The following SEMA6D variants were observed in gnomAD, a reference collection of about 807,000 sequenced individuals.
The protein encoded by SEMA6D is semaphorin-6D.
Under a neutral mutation model 106.6 loss-of-function variants are expected in SEMA6D, and 35 were observed. The ratio of observed to expected loss-of-function variants is 0.33; its 90% confidence interval spans 0.25 to 0.44. The LOEUF is 0.44. Ranked by LOEUF, SEMA6D falls within the 20% of genes least tolerant of loss-of-function variation. The pLI is 1.00. For synonymous variants in SEMA6D, 499 were observed against 487.7 expected, an observed-to-expected ratio of 1.02 and a Z score of -0.31; for missense variants, 1,185 against 1,345.9, an observed-to-expected ratio of 0.88 and a Z score of 1.87.
intron 1 of SEMA6D, among the ~76,000 whole-genome samples, chr15:47,258,483 A>C (rs1166349782): frequency 1.3e-5 from 2 of 152,344 alleles, no homozygotes; most frequent in East Asian, 3.9e-4. Flanking sequence ...GGACCCAAAT[A>C]GAACAAAAAG....
chr15:47,240,786 G>T (rs2141755467), intron 1 of SEMA6D, among the ~76,000 whole-genome samples: 1 of 152,224 alleles, frequency 6.6e-6, no homozygotes. Context: ...TCATTGATTA[G>T]TCAAGGCCAA....
At chr15:47,329,624 C>T (rs1385373227) in intron 1 of SEMA6D, among the ~76,000 whole-genome samples, 1 of 152,080 alleles carries the variant, frequency 6.6e-6, no homozygotes, top group Admixed American at 6.6e-5. Context: ...GTTTTCCTTC[C>T]CTGCCTCTGT....
At chr15:47,221,340 C>T (rs1047005876) in intron 1 of SEMA6D, among the ~76,000 whole-genome samples, 2 of 152,162 alleles carry the variant, frequency 1.3e-5, no homozygotes, top group African/African-American at 2.4e-5. Flanking sequence ...ATTTCTTCTT[C>T]GCCCACTTCA....
chr15:47,523,080 A>G (rs2044639677), intron 3 of SEMA6D, among the ~76,000 whole-genome samples: 1 of 152,182 alleles, frequency 6.6e-6, no homozygotes, highest in South Asian at 2.1e-4. Flanking sequence ...TCCGCATCCT[A>G]TACTCCTCCC....
intron 4 of SEMA6D, among the ~76,000 whole-genome samples, chr15:47,629,152 A>C (rs574621256): frequency 6.6e-5 from 10 of 152,196 alleles, no homozygotes; most frequent in African/African-American, 2.4e-4. Context: ...ATAAGTCATA[A>C]AATTGAATAA....
intron 4 of SEMA6D, among the ~76,000 whole-genome samples, chr15:47,643,988 A>T (rs1046983017): frequency 3.9e-5 from 6 of 152,180 alleles, no homozygotes; most frequent in African/African-American, 1.4e-4. Flanking sequence ...TAGCTCCCAC[A>T]TATGAGTGAG....
intron 18 of SEMA6D, 143 bp from the exon 19 acceptor site, chr15:47,770,354 C>G: frequency 3.4e-6 from 2 of 592,030 alleles, no homozygotes; most frequent in South Asian, 3.2e-5. Context: ...ACAAAATATA[C>G]AAGGAATTTT....
At chr15:47,624,398 A>G (rs910652393) in intron 4 of SEMA6D, among the ~76,000 whole-genome samples, 3 of 152,182 alleles carry the variant, frequency 2.0e-5, no homozygotes, top group African/African-American at 4.8e-5. Flanking sequence ...AGCTCTATCA[A>G]ACACTTTCTG....
intron 1 of SEMA6D, among the ~76,000 whole-genome samples, chr15:47,295,706 A>G (rs578007974): frequency 3.3e-5 from 5 of 152,372 alleles, no homozygotes; most frequent in African/African-American, 1.2e-4. Flanking sequence ...TTAAGCACAG[A>G]GTTAAAATGA....
chr15:47,243,639 G>T (rs1466741884), intron 1 of SEMA6D, among the ~76,000 whole-genome samples: 6 of 152,116 alleles, frequency 3.9e-5, no homozygotes, highest in Admixed American at 3.9e-4. Flanking sequence ...TGTTTTTACT[G>T]CTCTGTGTAC....
At chr15:47,407,873 C>T (rs770919229) in intron 1 of SEMA6D, among the ~76,000 whole-genome samples, 23 of 152,246 alleles carry the variant, frequency 1.5e-4, no homozygotes, top group Non-Finnish European at 2.4e-4. Context: ...ATCATCCTTT[C>T]GCAGGGGGAT....
At chr15:47,760,275 A>G (rs770909142) in intron 2 of SEMA6D, 29 bp from the exon 3 acceptor site, 18 of 1,502,242 alleles carry the variant, frequency 1.2e-5, no homozygotes, top group African/African-American at 1.4e-5. Context: ...ATAATCCTGA[A>G]TGATGGTTTA....
intron 2 of SEMA6D, among the ~76,000 whole-genome samples, chr15:47,467,306 C>A (rs951009267): frequency 1.3e-5 from 2 of 152,106 alleles, no homozygotes; most frequent in African/African-American, 4.8e-5. Context: ...GACCAGTTAT[C>A]ATTCCCCACC....
At chr15:47,384,813 A>ATTTT (rs1944848792) in intron 1 of SEMA6D, among the ~76,000 whole-genome samples, 2 of 86,468 alleles carry the variant, frequency 2.3e-5, no homozygotes, top group East Asian at 4.6e-4. Context: ...TGATTACTAA[A>ATTTT]GTTTTTTTTT....
At chr15:47,428,959 G>A (rs2041435570) in intron 2 of SEMA6D, among the ~76,000 whole-genome samples, 2 of 151,432 alleles carry the variant, frequency 1.3e-5, no homozygotes, top group African/African-American at 2.4e-5. Flanking sequence ...AAAGAAGCAA[G>A]GAAGGGCCGA....
At chr15:47,510,533 G>A (rs1213863104) in intron 3 of SEMA6D, among the ~76,000 whole-genome samples, 1 of 152,176 alleles carries the variant, frequency 6.6e-6, no homozygotes, top group African/African-American at 2.4e-5. Flanking sequence ...CCCAGTCCTT[G>A]CAGAGATAAA....
In SEMA6D at chr15:47,763,067, T is replaced by G; in HGVS notation, c.710T>G (p.Phe237Cys). 6.2e-7 allele frequency: 1 copy of G among 1,612,692 alleles called. No homozygotes were observed. Among genetic ancestry groups the G allele is most frequent in the Non-Finnish European group, 8.5e-7 (1 of 1,179,274 alleles). ...TATGGAAACTATGTCTATTTCTTCT[T>G]TCGAGAAATCGCTGTCGAACATAAT... ...IEYGNYVYFFFREIAVEHNNL... is the reference protein window; with the variant it reads ...IEYGNYVYFFCREIAVEHNNL... The change falls in exon 9 of 19, where the codon TTT becomes TGT. Residue 237 changes from phenylalanine to cysteine, a missense_variant. By Grantham distance (205) the Phe-to-Cys change is radical (BLOSUM62 -2). Transcript: ENST00000536845.
intron 3 of SEMA6D, among the ~76,000 whole-genome samples, chr15:47,520,309 G>A (rs1301327567): frequency 6.6e-6 from 1 of 152,226 alleles, no homozygotes; most frequent in Non-Finnish European, 1.5e-5. Context: ...GGGAAATTGA[G>A]ATCCAAAACT....
At chr15:47,525,995 G>A (rs538667113) in intron 3 of SEMA6D, among the ~76,000 whole-genome samples, 45 of 152,296 alleles carry the variant, frequency 3.0e-4, no homozygotes, top group African/African-American at 8.4e-4. Flanking sequence ...TGGAGAACAG[G>A]GGGAGCCTCT....
Sources: allele counts gnomAD v4.1 joint callset (sites outside exome capture counted in the v4.1 genomes callset), GRCh38; gene constraint gnomAD v4.1.1; transcripts MANE v1.5; gene names NCBI Gene and HGNC (gene_info 2026-07-23, HGNC 2026-07-21).